UNC13B: variants seen among roughly 807,000 people sequenced by gnomAD.
UNC13B encodes protein unc-13 homolog B.
Under a neutral mutation model 211.0 loss-of-function variants are expected in UNC13B, and 144 were observed. The observed-to-expected ratio is 0.68, with a 90% confidence interval of 0.60 to 0.78. The LOEUF is 0.78. Ranked by LOEUF, UNC13B falls within the 30% of genes least tolerant of loss-of-function variation. The pLI is 0.00. For missense variants in UNC13B, 1,777 were observed against 2,002.0 expected, an observed-to-expected ratio of 0.89 and a Z score of 2.14; for synonymous variants, 709 against 725.8, an observed-to-expected ratio of 0.98 and a Z score of 0.37.
chr9:35,316,754 A>G (rs1191185967), intron 11 of UNC13B, among the ~76,000 whole-genome samples: 1 of 152,218 alleles, frequency 6.6e-6, no homozygotes, highest in Non-Finnish European at 1.5e-5. Flanking sequence ...AATAATTAGT[A>G]TGTTGGAACC....
intron 5 of UNC13B, among the ~76,000 whole-genome samples, chr9:35,240,493 C>A (rs1172045203): frequency 1.3e-5 from 2 of 152,034 alleles, no homozygotes; most frequent in Non-Finnish European, 2.9e-5. Flanking sequence ...GGACTGTAGA[C>A]CAAGCTGCAA....
At chr9:35,357,750 G>A (rs1170247761) in intron 11 of UNC13B, among the ~76,000 whole-genome samples, 1 of 151,204 alleles carries the variant, frequency 6.6e-6, no homozygotes, top group Admixed American at 6.6e-5. Flanking sequence ...AATTTTTTGT[G>A]GTAAAATATA....
chr9:35,221,326 T>C (rs1824553767), intron 1 of UNC13B, among the ~76,000 whole-genome samples: 1 of 152,188 alleles, frequency 6.6e-6, no homozygotes, highest in African/African-American at 2.4e-5. Flanking sequence ...TTCCTTGGCC[T>C]CTCATAGTGC....
chr9:35,216,571 A>G (rs1189507623), intron 1 of UNC13B, among the ~76,000 whole-genome samples: 1 of 152,220 alleles, frequency 6.6e-6, no homozygotes, highest in Non-Finnish European at 1.5e-5. Flanking sequence ...ATAGCAAGAC[A>G]GAAACTTTTG....
At chr9:35,391,872 CATG>C (rs1166673027) in intron 26 of UNC13B, among the ~76,000 whole-genome samples, 3 of 152,214 alleles carry the variant, frequency 2.0e-5, no homozygotes, top group Admixed American at 6.5e-5. Context: ...AGGCCTCTTG[CATG>C]ATGACAGCTC....
rs1587495321 is a variant in UNC13B, at chr9:35,262,546, G to C, written c.526+3496G>C. Among the ~76,000 whole-genome samples, 3 of 151,966 alleles carry C rather than the reference G, an allele frequency of 2.0e-5. 1 individual carries two copies. The East Asian group carries it at 5.8e-4, about 29-fold the overall frequency. On this transcript the variant is annotated intron_variant, in intron 7 of 39. Coordinates refer to ENST00000635942, the MANE Select transcript of UNC13B (RefSeq NM_001371189.2). ...TTGGCCAGGCTGTTCTTGAACTCCT[G>C]ACCTCCAGTGATCCGCCCACCTCAG...
chr9:35,398,804 G>A (rs1356784021), intron 32 of UNC13B, 78 bp from the exon 33 acceptor site: 2 of 1,580,172 alleles, frequency 1.3e-6, no homozygotes, highest in African/African-American at 1.3e-5. Context: ...ATATGGGAAT[G>A]GGACCAAATA....
At chr9:35,179,701 G>A (rs1008172284) in intron 1 of UNC13B, among the ~76,000 whole-genome samples, 1 of 152,142 alleles carries the variant, frequency 6.6e-6, no homozygotes, top group Non-Finnish European at 1.5e-5. Context: ...TGAGGTGGGA[G>A]GATCACTTGA....
At chr9:35,369,901 C>T (rs1258229273) in intron 12 of UNC13B, among the ~76,000 whole-genome samples, 1 of 152,148 alleles carries the variant, frequency 6.6e-6, no homozygotes, top group Non-Finnish European at 1.5e-5. Flanking sequence ...GTAGAGCCAC[C>T]CTGTGGGTTC....
intron 24 of UNC13B, among the ~76,000 whole-genome samples, chr9:35,386,896 G>A (rs1427592835): frequency 2.0e-5 from 3 of 152,120 alleles, no homozygotes; most frequent in Admixed American, 1.3e-4. Context: ...TAGTGTCCCC[G>A]ATCCATGCTC....
chr9:35,210,629 G>GTCTC (rs1457601528), intron 1 of UNC13B, among the ~76,000 whole-genome samples: 1 of 151,924 alleles, frequency 6.6e-6, no homozygotes, highest in Non-Finnish European at 1.5e-5. Flanking sequence ...GTTCAAGCGA[G>GTCTC]TCTCATTCCT....
rs1032722130 is a variant in UNC13B at position 35,370,362 on chromosome 9, G to A, written c.9506G>A (p.Arg3169His). The A allele has an allele frequency of 3.8e-5, 62 of 1,613,788 alleles. No homozygotes were observed. Among genetic ancestry groups the A allele is most frequent in the East Asian group, 8.9e-5 (4 of 44,888 alleles). ...GGCATTGACAGCATGCCAGATTTACGCAGAAAGAAGCCACTGCCACTTGTC... is the reference window on the plus strand; with the variant it reads ...GGCATTGACAGCATGCCAGATTTACACAGAAAGAAGCCACTGCCACTTGTC... ...LYGIDSMPDL[R>H]RKKPLPLVSD... is the part of the protein sequence containing the mutation. Residue 3169 changes from arginine (R) to histidine (H), a missense_variant, in exon 13 of 40, where the codon CGC (arginine) becomes CAC (histidine). By Grantham distance (29) the Arg-to-His change is conservative. Coordinates refer to ENST00000635942, the MANE Select transcript of UNC13B (RefSeq NM_001371189.2).
chr9:35,381,773 T>A (rs1011141518), intron 20 of UNC13B, 54 bp downstream of exon 20: 1 of 1,592,350 alleles, frequency 6.3e-7, no homozygotes. Context: ...GGGTGGCTAA[T>A]TAAGGCACAC....
chr9:35,384,074 C>T (rs2132272208), intron 21 of UNC13B, among the ~76,000 whole-genome samples, 172 bp from the exon 22 acceptor site: 1 of 152,284 alleles, frequency 6.6e-6, no homozygotes, highest in Non-Finnish European at 1.5e-5. Context: ...CTTTCTATCT[C>T]ATTTTTTCCG....
chr9:35,392,476 A>G (rs958266520), intron 26 of UNC13B, among the ~76,000 whole-genome samples: 1 of 152,140 alleles, frequency 6.6e-6, no homozygotes, highest in Non-Finnish European at 1.5e-5. Flanking sequence ...TGATTGTCAG[A>G]ATATGGAGGG....
intron 7 of UNC13B, among the ~76,000 whole-genome samples, chr9:35,292,894 C>T (rs777850485): frequency 1.3e-4 from 20 of 152,188 alleles, no homozygotes; most frequent in Middle Eastern, 3.2e-3. Context: ...CTCGTCTAGC[C>T]GACATGGTGC....
At chr9:35,385,366 C>A in intron 22 of UNC13B, 1 of 985,376 alleles carries the variant, frequency 1.0e-6, no homozygotes, top group Non-Finnish European at 1.2e-6. Flanking sequence ...TTGTAATTTT[C>A]GAAGAACTCA....
intron 10 of UNC13B, among the ~76,000 whole-genome samples, chr9:35,312,402 T>G (rs1235482751): frequency 6.6e-6 from 1 of 152,214 alleles, no homozygotes; most frequent in Admixed American, 6.5e-5. Flanking sequence ...GGAGGTGAGC[T>G]GTGGACCAGG....
chr9:35,399,742 C>T lies in UNC13B; in HGVS notation c.12336+13C>T. On this transcript the variant is annotated intron_variant, in intron 36 of 39. Transcript: ENST00000635942. ...GGACACCATCAAGGTGGAGGCCCCC[C>T]CTTTTTCAGACAGTCTTAACCACCA... The T allele has an allele frequency of 1.9e-6, 3 of 1,613,908 alleles. No homozygotes were observed. The highest frequency in any genetic ancestry group is 2.7e-5 in the African/African-American group (2 of 74,998).
Sources: gnomAD v4.1 joint callset for allele counts (sites outside exome capture counted in the v4.1 genomes callset) on GRCh38, gnomAD v4.1.1 for gene constraint, MANE v1.5 for transcripts, NCBI Gene and HGNC (gene_info 2026-07-23, HGNC 2026-07-21) for gene names.